The following TEX11 variants were observed in gnomAD, a reference collection of about 807,000 sequenced individuals.
TEX11 encodes the protein testis expressed 11, also known as testis-expressed protein 11.
A neutral mutation model predicts 84.4 loss-of-function variants in TEX11; 7 were observed. That is an observed-to-expected ratio of 0.08 (90% CI 0.05 to 0.16). TEX11 has a LOEUF of 0.16. TEX11 is among the 10% of genes least tolerant of loss of function. TEX11 has a pLI of 1.00. For synonymous variants in TEX11, 264 were observed against 222.8 expected (o/e 1.18, Z -1.64); for missense variants, 551 against 660.5 (o/e 0.83, Z 1.82).
rs1369957667 is a variant in TEX11, at chrX:70,643,901, A to C, written c.1483+7549T>G. On this transcript the variant is annotated intron_variant, in intron 17 of 29. Transcript: ENST00000374333. Reference sequence around the variant, plus strand: ...CTAAAACACCAAAAGCAATGGCAACAAAAGACAAAATTGACAAATGGGATC... The same window carrying C: ...CTAAAACACCAAAAGCAATGGCAACCAAAGACAAAATTGACAAATGGGATC... 6.6e-3 allele frequency among the ~76,000 whole-genome samples: 714 copies of C among 108,200 alleles called. 5 individuals carry two copies. The highest frequency in any genetic ancestry group is 0.023 in the African/African-American group (682 of 29,719). 94.0% of individuals were successfully genotyped at this position (108,200 alleles called of 115,157 possible).
chrX:70,662,053 G>T (rs2089934341), intron 16 of TEX11, among the ~76,000 whole-genome samples: 1 of 111,810 alleles, frequency 8.9e-6, no homozygotes, highest in Non-Finnish European at 1.9e-5. Context: ...GGCTTCAGAC[G>T]ATCAAACTAC....
chrX:70,587,117 A>C (rs1156289219), intron 25 of TEX11, among the ~76,000 whole-genome samples: 2 of 112,297 alleles, frequency 1.8e-5, no homozygotes, highest in Non-Finnish European at 3.8e-5. Context: ...ACTTATGTTT[A>C]AAAGGGAAGC....
intron 17 of TEX11, among the ~76,000 whole-genome samples, chrX:70,641,804 C>T (rs1328503330): frequency 4.5e-5 from 5 of 110,226 alleles, no homozygotes; most frequent in Non-Finnish European, 7.6e-5. Context: ...TAAATGCCCA[C>T]AAGAGAAAGC....
intron 2 of TEX11, among the ~76,000 whole-genome samples, chrX:70,883,130 T>G (rs1209214375): frequency 9.0e-6 from 1 of 111,557 alleles, no homozygotes; most frequent in East Asian, 2.8e-4. Context: ...GCTCAGAAAA[T>G]AAATTCTATT....
At chrX:70,804,261 C>A (rs1363032751) in intron 9 of TEX11, among the ~76,000 whole-genome samples, 1 of 111,544 alleles carries the variant, frequency 9.0e-6, no homozygotes, top group Non-Finnish European at 1.9e-5. Flanking sequence ...ATATGTAAAC[C>A]CCACAACAAT....
intron 9 of TEX11, among the ~76,000 whole-genome samples, chrX:70,750,933 A>ATATATATATATATATATATATAT (rs1556039355): frequency 1.1e-4 from 3 of 28,192 alleles, no homozygotes; most frequent in Non-Finnish European, 1.4e-4. Context: ...AAAAAAAAAA[A>ATATATATATATATATATATATAT]ATATATATAT....
intron 16 of TEX11, among the ~76,000 whole-genome samples, chrX:70,666,581 C>A (rs1043827222): frequency 6.3e-5 from 7 of 111,780 alleles, no homozygotes; most frequent in African/African-American, 2.3e-4. Context: ...AGAAGCCAAG[C>A]AAATGCCAGC....
intron 9 of TEX11, among the ~76,000 whole-genome samples, chrX:70,789,522 G>A (rs1191137382): frequency 8.9e-6 from 1 of 111,821 alleles, no homozygotes; most frequent in East Asian, 2.8e-4. Context: ...AACCCTGGAG[G>A]CGGAGGTTGA....
intron 2 of TEX11, among the ~76,000 whole-genome samples, chrX:70,902,387 A>AGGACATTACT (rs2091808164): frequency 8.9e-6 from 1 of 112,048 alleles, no homozygotes; most frequent in African/African-American, 3.2e-5. Flanking sequence ...GTGAAGGTCT[A>AGGACATTACT]GGACATTACT....
chrX:70,671,880 G>GATATATATAT (rs67645855), intron 15 of TEX11, among the ~76,000 whole-genome samples: 7 of 66,320 alleles, frequency 1.1e-4, no homozygotes, highest in Admixed American at 4.5e-4. Context: ...CAATTGTTTT[G>GATATATATAT]ATATATATAT....
intron 17 of TEX11, among the ~76,000 whole-genome samples, chrX:70,637,557 T>C (rs1045528748): frequency 1.8e-5 from 2 of 111,960 alleles, no homozygotes; most frequent in Non-Finnish European, 3.8e-5. Flanking sequence ...GTGGTACATA[T>C]ACACCATGGA....
At chrX:70,721,992 G>C (rs1305587770) in intron 13 of TEX11, among the ~76,000 whole-genome samples, 1 of 111,986 alleles carries the variant, frequency 8.9e-6, no homozygotes, top group African/African-American at 3.2e-5. Context: ...AAATTTAATA[G>C]TTTATAAAGT....
intron 13 of TEX11, among the ~76,000 whole-genome samples, chrX:70,712,628 G>A (rs1385775590): frequency 2.7e-5 from 3 of 111,072 alleles, no homozygotes; most frequent in Non-Finnish European, 5.7e-5. Context: ...TGTGATTTTT[G>A]CACATTGATT....
At chrX:70,755,418 A>G (rs972737741) in intron 9 of TEX11, among the ~76,000 whole-genome samples, 1 of 112,135 alleles carries the variant, frequency 8.9e-6, no homozygotes, top group African/African-American at 3.2e-5. Flanking sequence ...AGAATTGATC[A>G]AGTAGAAGAA....
intron 4 of TEX11, among the ~76,000 whole-genome samples, chrX:70,872,598 G>T (rs1569458882): frequency 8.9e-6 from 1 of 112,097 alleles, no homozygotes; most frequent in African/African-American, 3.2e-5. Context: ...ACTAGACTTT[G>T]CCCATTTAGC....
chrX:70,830,429 C>T (rs1489140920), intron 8 of TEX11, among the ~76,000 whole-genome samples: 1 of 110,849 alleles, frequency 9.0e-6, no homozygotes, highest in African/African-American at 3.3e-5. Flanking sequence ...TGGATATGAC[C>T]CCCACAGGTG....
intron 9 of TEX11, among the ~76,000 whole-genome samples, chrX:70,788,316 G>A (rs367557262): frequency 3.6e-5 from 4 of 111,331 alleles, no homozygotes; most frequent in East Asian, 5.7e-4. Flanking sequence ...AAAAATAGAC[G>A]TGTCAACCAA....
chrX:70,736,616 A>C (rs1308019286), intron 11 of TEX11, among the ~76,000 whole-genome samples: 1 of 110,482 alleles, frequency 9.1e-6, no homozygotes, highest in Non-Finnish European at 1.9e-5. Flanking sequence ...CTTCATGTAG[A>C]TACAGAGTTC....
intron 20 of TEX11, 53 bp downstream of exon 20, chrX:70,623,897 G>A (rs1171168181): frequency 2.9e-6 from 3 of 1,022,363 alleles, no homozygotes; most frequent in Middle Eastern, 2.6e-4. Flanking sequence ...TATATTGTAA[G>A]TTACTATAAT....
Sources: gnomAD v4.1 joint callset for allele counts (sites outside exome capture counted in the v4.1 genomes callset) on GRCh38, gnomAD v4.1.1 for gene constraint, MANE v1.5 for transcripts, NCBI Gene and HGNC (gene_info 2026-07-23, HGNC 2026-07-21) for gene names.